Variants in SLC13A3 observed in about 807,000 individuals in gnomAD.
SLC13A3 encodes solute carrier family 13 member 3, also known as Na(+)/dicarboxylate cotransporter 3.
Under a neutral mutation model 59.0 loss-of-function variants are expected in SLC13A3, and 40 were observed. The observed-to-expected ratio is 0.68, with a 90% CI of 0.53 to 0.88. The LOEUF is 0.88. SLC13A3 is among the 40% of genes least tolerant of loss of function. The pLI is 0.00. For missense variants in SLC13A3, 699 were observed against 783.2 expected, an observed-to-expected ratio of 0.89 and a Z score of 1.28; for synonymous variants, 317 against 330.3, an observed-to-expected ratio of 0.96 and a Z score of 0.44.
intron 1 of SLC13A3, among the ~76,000 whole-genome samples, chr20:46,629,829 C>T (rs565719192): frequency 3.9e-5 from 6 of 152,074 alleles, no homozygotes; most frequent in African/African-American, 7.2e-5. Context: ...TACATTTCAC[C>T]GAAAAATATC....
intron 1 of SLC13A3, among the ~76,000 whole-genome samples, chr20:46,677,909 T>C (rs950161743): frequency 1.3e-5 from 2 of 152,222 alleles, no homozygotes; most frequent in African/African-American, 2.4e-5. Flanking sequence ...TGACGATGTT[T>C]CCAGAGAAGC....
chr20:46,634,852 G>T (rs2062780370), intron 1 of SLC13A3, among the ~76,000 whole-genome samples: 1 of 152,162 alleles, frequency 6.6e-6, no homozygotes, highest in African/African-American at 2.4e-5. Flanking sequence ...TGTCCAGCTG[G>T]TTCCTTCATC....
In SLC13A3 at chr20:46,580,815, T is replaced by C. The variant is rs575370726; in HGVS notation, c.1219+2757A>G. Reference sequence around the variant, plus strand: ...AAACAGGTCCTGGGCGGAAGCAGCTTTCCATAAGACACACCCACCAGTATA... The same window carrying C: ...AAACAGGTCCTGGGCGGAAGCAGCTCTCCATAAGACACACCCACCAGTATA... On this transcript the variant is annotated intron_variant, in intron 9 of 12. Transcript: ENST00000279027. 2.0e-5 allele frequency among the ~76,000 whole-genome samples: 3 copies of C among 152,182 alleles called. No individual in the cohort carries two copies. The South Asian group carries it at 6.2e-4, about 32-fold the overall frequency.
At chr20:46,584,036 C>T in intron 8 of SLC13A3, 1 of 985,360 alleles carries the variant, frequency 1.0e-6, no homozygotes, top group Non-Finnish European at 1.2e-6. Context: ...TGTCTTTGTT[C>T]AGCTTGTGCT....
chr20:46,644,974 AT>A (rs1281585561), intron 1 of SLC13A3, among the ~76,000 whole-genome samples: 1 of 152,202 alleles, frequency 6.6e-6, no homozygotes, highest in Non-Finnish European at 1.5e-5. Context: ...ACACAAATGT[AT>A]TCTTTTAGAG....
At chr20:46,585,093 ATGCAG>A (rs1306804511) in intron 8 of SLC13A3, 1 of 935,734 alleles carries the variant, frequency 1.1e-6, no homozygotes, top group East Asian at 1.2e-4. Context: ...GTAGAGTACT[ATGCAG>A]TGTTTTAAAA....
upstream of SLC13A3, among the ~76,000 whole-genome samples, chr20:46,674,904 G>A (rs374324252): frequency 6.0e-4 from 92 of 152,192 alleles, no homozygotes; most frequent in East Asian, 6.8e-3. Context: ...GCCATGATGC[G>A]CTTGACAGGA....
At chr20:46,581,706 G>C (rs2146110090) in intron 9 of SLC13A3, among the ~76,000 whole-genome samples, 1 of 152,306 alleles carries the variant, frequency 6.6e-6, no homozygotes, top group East Asian at 1.9e-4. Flanking sequence ...ACATGAGGAA[G>C]TGGAGTTGGC....
chr20:46,599,313 C>T (rs1456968944), intron 4 of SLC13A3, among the ~76,000 whole-genome samples: 1 of 152,228 alleles, frequency 6.6e-6, no homozygotes, highest in Non-Finnish European at 1.5e-5. Flanking sequence ...CGCTTGGCTC[C>T]CTGTTGTGTC....
chr20:46,608,393 G>T (rs2062456856), intron 3 of SLC13A3, among the ~76,000 whole-genome samples: 1 of 152,184 alleles, frequency 6.6e-6, no homozygotes, highest in Non-Finnish European at 1.5e-5. Context: ...AGTTGCAACA[G>T]AGTGGCCCAC....
chr20:46,655,373 T>C (rs2062978191), upstream of SLC13A3, among the ~76,000 whole-genome samples: 1 of 150,244 alleles, frequency 6.7e-6, no homozygotes, highest in Non-Finnish European at 1.5e-5. Flanking sequence ...TATGTATATA[T>C]AAGCCAAAAG....
In SLC13A3 at chr20:46,610,520, T is replaced by C. The variant is rs1213069019; in HGVS notation, c.467A>G (p.Asn156Ser). ...GCCAAAGAGACTTTTCAGGATGGCA[T>C]TGGCAATGGGAAGCATCATGGCAGT... ...ASTAMMLPIA[N>S]AILKSLFGQK... Residue 156 changes from asparagine (N) to serine (S), a missense_variant, in exon 3 of 13, where the codon AAT becomes AGT. Coordinates refer to ENST00000279027, the MANE Select transcript of SLC13A3 (RefSeq NM_022829.6). 1.9e-6 allele frequency: 3 copies of C among 1,614,144 alleles called. No homozygotes were observed. Among genetic ancestry groups the C allele is most frequent in the Non-Finnish European group, 1.7e-6 (2 of 1,180,022 alleles).
At chr20:46,566,491 CCCAGA>C in intron 10 of SLC13A3, 101 bp from the exon 11 acceptor site, 1 of 1,352,070 alleles carries the variant, frequency 7.4e-7, no homozygotes, top group Non-Finnish European at 1.0e-6. Flanking sequence ...CATACCCCTT[CCCAGA>C]TGGGGAGACT....
chr20:46,653,845 G>C (rs1052524124), upstream of SLC13A3, among the ~76,000 whole-genome samples: 1 of 152,016 alleles, frequency 6.6e-6, no homozygotes, highest in Non-Finnish European at 1.5e-5. Flanking sequence ...TTCATTTGTT[G>C]ATAGACATTG....
intron 4 of SLC13A3, among the ~76,000 whole-genome samples, chr20:46,597,156 T>C (rs2062321380): frequency 6.6e-6 from 1 of 152,236 alleles, no homozygotes; most frequent in Non-Finnish European, 1.5e-5. Flanking sequence ...TTTTGATACC[T>C]TTCCCAGGAG....
At chr20:46,673,339 C>T (rs2063103506), upstream of SLC13A3, among the ~76,000 whole-genome samples, 1 of 152,184 alleles carries the variant, frequency 6.6e-6, no homozygotes, top group Non-Finnish European at 1.5e-5. Flanking sequence ...TGGAGGCTTG[C>T]TGTGTGCCAA....
chr20:46,596,479 T>C (rs1197158162), intron 4 of SLC13A3, 137 bp from the exon 5 acceptor site: 19 of 696,850 alleles, frequency 2.7e-5, no homozygotes, highest in Non-Finnish European at 4.0e-5. Flanking sequence ...AAGGTGCAAC[T>C]CTTCAGCTCA....
chr20:46,586,607 T>C (rs1001096234), intron 8 of SLC13A3, among the ~76,000 whole-genome samples: 14 of 152,100 alleles, frequency 9.2e-5, no homozygotes, highest in Non-Finnish European at 1.8e-4. Flanking sequence ...AAGTCCAAAA[T>C]AGAATTATGA....
At chr20:46,664,677 G>A (rs556558572) in intron 1 of SLC13A3, among the ~76,000 whole-genome samples, 2 of 152,174 alleles carry the variant, frequency 1.3e-5, no homozygotes, top group Non-Finnish European at 2.9e-5. Flanking sequence ...AAAACACAAG[G>A]AAGCAGCAAA....
Sources: gnomAD v4.1 joint callset for allele counts (sites outside exome capture counted in the v4.1 genomes callset) on GRCh38, gnomAD v4.1.1 for gene constraint, MANE v1.5 for transcripts, NCBI Gene and HGNC (gene_info 2026-07-23, HGNC 2026-07-21) for gene names.